REC114: variants seen among roughly 807,000 people sequenced by gnomAD.
REC114 encodes REC114 meiotic recombination protein, also known as meiotic recombination protein REC114.
A neutral mutation model predicts 31.3 loss-of-function variants in REC114; 27 were observed. That is an observed-to-expected ratio of 0.86 (90% CI 0.64 to 1.19). REC114 has a LOEUF of 1.19. Ranked by LOEUF, REC114 falls within the 50% of genes most tolerant of loss-of-function variation. The probability of loss-of-function intolerance (pLI) is 0.00; values close to 1 mark genes in which losing one functional copy is unlikely to be tolerated. For missense variants in REC114, 344 were observed against 326.9 expected, an observed-to-expected ratio of 1.05 and a Z score of -0.40; for synonymous variants, 134 against 127.7, an observed-to-expected ratio of 1.05 and a Z score of -0.33.
intron 2 of REC114, among the ~76,000 whole-genome samples, chr15:73,534,261 G>T (rs1894125202): frequency 6.6e-6 from 1 of 151,996 alleles, no homozygotes; most frequent in East Asian, 1.9e-4. Context: ...TTTTTGAAAG[G>T]ATCAACAAAA....
In REC114 at chr15:73,523,317, C is replaced by CA. The variant is rs368923371; in HGVS notation, c.250-17157dup. Among the ~76,000 whole-genome samples the CA allele has an allele frequency of 6.8e-3, 948 of 138,578 alleles. 5 individuals are homozygous for CA. The highest frequency in any genetic ancestry group is 0.02 in the African/African-American group (754 of 37,812). The allele number at this position is 138,578 out of a possible 152,430, so 90.9% of individuals were successfully genotyped here. ...ACATGATGGAAGAAGATTTATAGAC[C>CA]AAAAAAAAAAAGGGGGAAATGAGGT... On this transcript the variant is annotated intron_variant, in intron 2 of 5. Transcript: ENST00000331090.
At chr15:73,467,216 CAACA>C (rs1893074044) in intron 1 of REC114, among the ~76,000 whole-genome samples, 1 of 152,086 alleles carries the variant, frequency 6.6e-6, no homozygotes, top group South Asian at 2.1e-4. Flanking sequence ...GAACTTAGAC[CAACA>C]AAATGTTTTT....
At position 73,559,729 on chromosome 15, in the gene REC114, C is replaced by T. The variant is rs372606562; in HGVS notation, c.637-23C>T. 252 of 1,518,590 alleles carry T rather than the reference C, an allele frequency of 1.7e-4. 2 individuals carry two copies. In the South Asian group the frequency reaches 3.0e-3, roughly 18 times the overall value. 94.1% of individuals were successfully genotyped at this position (1,518,590 alleles called of 1,614,324 possible). A position where few individuals can be genotyped will look rare whatever the true frequency, so the allele number is the denominator to read the frequency against. ...TATTGCTTTTACCTGTAATCTGTAACGACTTTTCTGGTATCCCTGCAGACT... is the reference window on the plus strand; with the variant it reads ...TATTGCTTTTACCTGTAATCTGTAATGACTTTTCTGGTATCCCTGCAGACT... On this transcript the variant is annotated intron_variant, in intron 5 of 5. Transcript: ENST00000331090.
chr15:73,500,302 T>C (rs907328049), intron 2 of REC114, among the ~76,000 whole-genome samples: 2 of 150,800 alleles, frequency 1.3e-5, no homozygotes, highest in Admixed American at 1.3e-4. Context: ...TAACCTCTTA[T>C]CTTCTTCATC....
chr15:73,452,727 A>G (rs1247101944), intron 1 of REC114, among the ~76,000 whole-genome samples: 2 of 152,246 alleles, frequency 1.3e-5, no homozygotes, highest in African/African-American at 2.4e-5. Flanking sequence ...ACCTGACTTC[A>G]AACTATACTA....
chr15:73,483,291 G>T, intron 2 of REC114: 1 of 155,682 alleles, frequency 6.4e-6, no homozygotes, highest in Middle Eastern at 1.1e-3. Flanking sequence ...TGCTGCTGCT[G>T]CAACTTTTAA....
At chr15:73,446,102 C>T (rs544750832) in intron 1 of REC114, among the ~76,000 whole-genome samples, 1 of 152,288 alleles carries the variant, frequency 6.6e-6, no homozygotes, top group South Asian at 2.1e-4. Flanking sequence ...ACATGTCAAT[C>T]ACCTAAAATA....
intron 1 of REC114, among the ~76,000 whole-genome samples, chr15:73,467,430 G>C (rs529478337): frequency 6.6e-6 from 1 of 152,266 alleles, no homozygotes; most frequent in African/African-American, 2.4e-5. Flanking sequence ...TGTATTGTCT[G>C]TACTCTTGCT....
intron 3 of REC114, among the ~76,000 whole-genome samples, chr15:73,545,849 A>G (rs1349236750): frequency 6.6e-6 from 1 of 152,212 alleles, no homozygotes; most frequent in African/African-American, 2.4e-5. Context: ...AGTTAATTGC[A>G]GAATCCTAAT....
chr15:73,542,742 T>C (rs1331807989), intron 3 of REC114, among the ~76,000 whole-genome samples: 2 of 152,230 alleles, frequency 1.3e-5, no homozygotes, highest in Non-Finnish European at 2.9e-5. Flanking sequence ...TAGTACTTTG[T>C]ATCCTGTTCT....
intron 1 of REC114, among the ~76,000 whole-genome samples, chr15:73,461,675 A>T (rs961949521): frequency 1.3e-5 from 2 of 152,076 alleles, no homozygotes; most frequent in South Asian, 2.1e-4. Context: ...TGCTATTGTT[A>T]TTTAACTGAT....
intron 2 of REC114, among the ~76,000 whole-genome samples, chr15:73,510,116 T>C (rs1197474934): frequency 6.6e-4 from 101 of 151,918 alleles, no homozygotes; most frequent in African/African-American, 2.2e-3. Flanking sequence ...CTTTTATTTC[T>C]TTGAGCAGTG....
chr15:73,500,884 T>G (rs1893595768), intron 2 of REC114, among the ~76,000 whole-genome samples: 3 of 152,158 alleles, frequency 2.0e-5, no homozygotes. Flanking sequence ...TTATTCATCC[T>G]TAGAACCTCT....
In REC114 at chr15:73,490,962, T is replaced by C. The variant is rs140653391; in HGVS notation, c.249+17041T>C. On this transcript the variant is annotated intron_variant, in intron 2 of 5. Coordinates refer to ENST00000331090, the MANE Select transcript of REC114 (RefSeq NM_001042367.2). ...AATATGTGCTCTTTTTGTGTCTAGC[T>C]TCTTTAATTCAGCATGATGTTTTTG... Among the ~76,000 whole-genome samples the C allele has an allele frequency of 4.6e-3, 707 of 152,320 alleles. 6 individuals are homozygous for C. Among genetic ancestry groups the C allele is most frequent in the African/African-American group, 0.016 (682 of 41,576 alleles).
chr15:73,550,859 G>A, intron 3 of REC114, 79 bp from the exon 4 acceptor site: 1 of 1,366,576 alleles, frequency 7.3e-7, no homozygotes, highest in Non-Finnish European at 1.0e-6. Flanking sequence ...CCAAGCAAAG[G>A]AAACACTCAG....
At chr15:73,449,744 G>A (rs1595858195) in intron 1 of REC114, among the ~76,000 whole-genome samples, 2 of 152,210 alleles carry the variant, frequency 1.3e-5, no homozygotes, top group East Asian at 3.9e-4. Context: ...AGGGCAGCCA[G>A]AGAGAAAGGT....
intron 1 of REC114, among the ~76,000 whole-genome samples, chr15:73,469,508 C>T (rs1361856706): frequency 1.3e-5 from 2 of 151,922 alleles, no homozygotes; most frequent in Non-Finnish European, 1.5e-5. Context: ...TAGCTTACAG[C>T]AGCCTCGAAC....
At chr15:73,469,280 C>T (rs1181741024) in intron 1 of REC114, among the ~76,000 whole-genome samples, 3 of 152,100 alleles carry the variant, frequency 2.0e-5, no homozygotes, top group African/African-American at 7.2e-5. Flanking sequence ...TTTTTAAGCT[C>T]TGTATTGGAG....
chr15:73,552,462 GTTTA>G (rs775227602), intron 4 of REC114, among the ~76,000 whole-genome samples: 1 of 152,138 alleles, frequency 6.6e-6, no homozygotes, highest in African/African-American at 2.4e-5. Context: ...CGTAAAGTGG[GTTTA>G]TTATTTTTAA....
Sources: gnomAD v4.1 joint callset for allele counts (sites outside exome capture counted in the v4.1 genomes callset) on GRCh38, gnomAD v4.1.1 for gene constraint, MANE v1.5 for transcripts, NCBI Gene and HGNC (gene_info 2026-07-23, HGNC 2026-07-21) for gene names.